The following SDC1 variants were observed in gnomAD, a reference collection of about 807,000 sequenced individuals.
SDC1 encodes the protein syndecan 1.
SDC1 carries 14 observed loss-of-function variants against 29.7 expected under a neutral mutation model. The observed-to-expected ratio is 0.47, with a 90% CI of 0.31 to 0.74. The LOEUF (loss-of-function observed/expected upper bound fraction) is 0.74. Among genes scored for constraint, SDC1 ranks in the 30% least tolerant of loss-of-function variants. SDC1 has a pLI of 0.05. For missense variants in SDC1, 406 were observed against 400.3 expected (o/e 1.01, Z -0.12); for synonymous variants, 204 against 175.5 (o/e 1.16, Z -1.29).
At chr2:20,222,681 T>C (rs1677859356) in intron 1 of SDC1, among the ~76,000 whole-genome samples, 1 of 152,068 alleles carries the variant, frequency 6.6e-6, no homozygotes, top group Admixed American at 6.5e-5. Flanking sequence ...CAAGAAATAA[T>C]GCCTCACACT....
chr2:20,202,658 T>TGGGGAGGTGGCCTGGTGGCA lies in SDC1; in HGVS notation c.*88_*107dup. The TGGGGAGGTGGCCTGGTGGCA allele has an allele frequency of 1.8e-6, 2 of 1,098,436 alleles. No homozygotes were observed. Among genetic ancestry groups the TGGGGAGGTGGCCTGGTGGCA allele is most frequent in the Non-Finnish European group, 2.6e-6 (2 of 756,658 alleles). 68.0% of individuals were successfully genotyped at this position (1,098,436 alleles called of 1,614,324 possible). A position where few individuals can be genotyped will look rare whatever the true frequency, so the allele number is the denominator to read the frequency against. On this transcript the variant is annotated 3_prime_UTR_variant, in exon 5 of 5. Coordinates refer to ENST00000254351, the MANE Select transcript of SDC1 (RefSeq NM_002997.5). ...GGAGCGACCAGAGGGGCTGGAATGC[T>TGGGGAGGTGGCCTGGTGGCA]GGGGAGGTGGCCTGGTGGCAGGGGA...
At chr2:20,219,318 T>A (rs1677736993) in intron 1 of SDC1, among the ~76,000 whole-genome samples, 1 of 152,112 alleles carries the variant, frequency 6.6e-6, no homozygotes, top group Admixed American at 6.5e-5. Context: ...CTTCTCACAC[T>A]GTCTCTCCAC....
At position 20,204,091 on chromosome 2, in the gene SDC1, G is replaced by A. The variant is rs750695100; in HGVS notation, c.349C>T (p.Arg117Trp). The change falls in exon 3 of 5, where the codon CGG becomes TGG. Residue 117 changes from arginine to tryptophan, a missense_variant. Arg to Trp is a moderately radical substitution (Grantham distance 101). Coordinates refer to ENST00000254351, the MANE Select transcript of SDC1 (RefSeq NM_002997.5). ...LPEVEPGLTA[R>W]EQEATPRPRE... The stretch of plus-strand genomic sequence containing the variant: ...GGTCGGGGGGTGGCCTCCTGCTCCC[G>A]GGCGGTGAGGCCAGGCTCCACTTCT... 46 of 1,609,378 alleles carry A rather than the reference G, an allele frequency of 2.9e-5. No homozygotes were observed. The highest frequency in any genetic ancestry group is 6.7e-5 in the East Asian group (3 of 44,880).
In SDC1 at chr2:20,205,389, T is replaced by A; in HGVS notation, c.102A>T (p.Gln34His). ...TGTCAGAGTCATCCCCAGAGCCATCTTGATCTTCAGGGGGCAAATTAGTAG... is the reference window on the plus strand; with the variant it reads ...TGTCAGAGTCATCCCCAGAGCCATCATGATCTTCAGGGGGCAAATTAGTAG... The part of the protein sequence containing the change: ...IVATNLPPED[Q>H]DGSGDDSDNF... Residue 34 changes from glutamine (Q) to histidine (H), a missense_variant, in exon 2 of 5, where the codon CAA becomes CAT. By Grantham distance (24) the Gln-to-His change is conservative (BLOSUM62 0). Transcript: ENST00000254351. 1 of 1,614,142 alleles carries A rather than the reference T, an allele frequency of 6.2e-7. No homozygotes were observed. Among genetic ancestry groups the A allele is most frequent in the South Asian group, 1.1e-5 (1 of 91,082 alleles).
In SDC1 at chr2:20,202,445, C is replaced by G; in HGVS notation, c.*321G>C. ...TTAGGTCCAAAGCAGTCGGATCCCC[C>G]TCCCCTCCAGAGCTGGACCTGGGGA... On this transcript the variant is annotated 3_prime_UTR_variant, in exon 5 of 5. Transcript: ENST00000254351. 1.7e-6 allele frequency: 1 copy of G among 604,500 alleles called. No individual in the cohort carries two copies. The highest frequency in any genetic ancestry group is 3.0e-6 in the Non-Finnish European group (1 of 337,620). 37.4% of individuals were successfully genotyped at this position (604,500 alleles called of 1,614,324 possible).
intron 1 of SDC1, among the ~76,000 whole-genome samples, chr2:20,218,230 C>A (rs1351569721): frequency 6.6e-6 from 1 of 152,220 alleles, no homozygotes; most frequent in African/African-American, 2.4e-5. Flanking sequence ...CGGGGCTCAG[C>A]TGAACCAGGA....
chr2:20,207,429 T>C, intron 1 of SDC1: 1 of 983,048 alleles, frequency 1.0e-6, no homozygotes, highest in South Asian at 4.7e-5. Flanking sequence ...TAAACAGTCA[T>C]TGACTTGACT....
chr2:20,221,967 A>G (rs1161970181), intron 1 of SDC1, among the ~76,000 whole-genome samples: 1 of 152,190 alleles, frequency 6.6e-6, no homozygotes, highest in Non-Finnish European at 1.5e-5. Context: ...AGCCCCCATA[A>G]TTAGGGCAAA....
chr2:20,213,168 G>C (rs1361486895), intron 1 of SDC1, among the ~76,000 whole-genome samples: 1 of 152,186 alleles, frequency 6.6e-6, no homozygotes, highest in African/African-American at 2.4e-5. Flanking sequence ...CTTCCACAGA[G>C]CTGGCGCCTG....
Position 20,224,276 on chromosome 2 carries a change from C to A in SDC1, c.66+526G>T, listed in dbSNP as rs1482743598. On this transcript the variant is annotated intron_variant, in intron 1 of 4. Coordinates refer to ENST00000254351, the MANE Select transcript of SDC1 (RefSeq NM_002997.5). This position sits in a 1 kb window ranked among gnomAD's most constrained non-coding sequence, Gnocchi z 4.9. Reference sequence around the variant, plus strand: ...GCCCTGGCCCGGCTCCCCGGGCCAACGCGGCCGCCTCCCGCTCCCGCGCCG... The same window carrying A: ...GCCCTGGCCCGGCTCCCCGGGCCAAAGCGGCCGCCTCCCGCTCCCGCGCCG... 1 of 176,006 alleles carries A rather than the reference C, an allele frequency of 5.7e-6. No individual in the cohort carries two copies. Among genetic ancestry groups the A allele is most frequent in the Non-Finnish European group, 1.2e-5 (1 of 85,662 alleles). The allele number at this position is 176,006 out of a possible 1,614,324, so 10.9% of individuals were successfully genotyped here.
chr2:20,222,006 A>G (rs1677837169), intron 1 of SDC1, among the ~76,000 whole-genome samples: 1 of 152,216 alleles, frequency 6.6e-6, no homozygotes, highest in Non-Finnish European at 1.5e-5. Context: ...AAGAAAGAGA[A>G]GAGAGAAAGA....
chr2:20,204,364 G>C, intron 2 of SDC1, 73 bp from the exon 3 acceptor site: 1 of 952,702 alleles, frequency 1.0e-6, no homozygotes, highest in East Asian at 2.5e-5. Context: ...GTGTTGGGTG[G>C]GTCGGGGGAG....
chr2:20,208,960 C>CCTAGAA (rs1484325618), intron 1 of SDC1, among the ~76,000 whole-genome samples: 1 of 152,192 alleles, frequency 6.6e-6, no homozygotes, highest in Non-Finnish European at 1.5e-5. Flanking sequence ...CAGCGCAGAC[C>CCTAGAA]CTAGAAGCTC....
At chr2:20,215,153 C>A (rs979033507) in intron 1 of SDC1, among the ~76,000 whole-genome samples, 2 of 152,204 alleles carry the variant, frequency 1.3e-5, no homozygotes, top group Admixed American at 1.3e-4. Context: ...CCAGCTTTGT[C>A]GGCATCCATA....
At position 20,202,437 on chromosome 2, in the gene SDC1, G is replaced by A. The variant is rs923103657; in HGVS notation, c.*329C>T. 10 of 610,948 alleles carry A rather than the reference G, an allele frequency of 1.6e-5. No individual in the cohort carries two copies. The highest frequency in any genetic ancestry group is 7.4e-5 in the African/African-American group (4 of 53,786). The allele number at this position is 610,948 out of a possible 1,614,324, so 37.8% of individuals were successfully genotyped here. ...GAGGCCATTTAGGTCCAAAGCAGTC[G>A]GATCCCCCTCCCCTCCAGAGCTGGA... On this transcript the variant is annotated 3_prime_UTR_variant, in exon 5 of 5. Coordinates refer to ENST00000254351, the MANE Select transcript of SDC1 (RefSeq NM_002997.5).
At chr2:20,208,038 C>T in intron 1 of SDC1, 1 of 985,464 alleles carries the variant, frequency 1.0e-6, no homozygotes, top group East Asian at 1.1e-4. Context: ...GGCACTGGCA[C>T]TTCGACCCCA....
chr2:20,215,869 C>T (rs566783453), intron 1 of SDC1, among the ~76,000 whole-genome samples: 4 of 148,600 alleles, frequency 2.7e-5, no homozygotes, highest in East Asian at 3.9e-4. Context: ...GGACTAACCA[C>T]GCCAGCTAGT....
chr2:20,208,227 C>A, intron 1 of SDC1: 1 of 485,286 alleles, frequency 2.1e-6, no homozygotes, highest in South Asian at 8.7e-5. Flanking sequence ...GAGGCCCCAA[C>A]ACGTTAGCAG....
At chr2:20,203,329 C>T (rs1368203227) in intron 3 of SDC1, 107 bp from the exon 4 acceptor site, 1 of 1,338,540 alleles carries the variant, frequency 7.5e-7, no homozygotes, top group Non-Finnish European at 1.0e-6. Context: ...ATCTTTGCCA[C>T]CACCCACTCA....
Sources: allele counts gnomAD v4.1 joint callset (sites outside exome capture counted in the v4.1 genomes callset), GRCh38; gene constraint gnomAD v4.1.1; non-coding constraint Gnocchi (gnomAD v3.1); transcripts MANE v1.5; gene names NCBI Gene and HGNC (gene_info 2026-07-23, HGNC 2026-07-21).